The following SPATA21 variants were observed in gnomAD, a reference collection of about 807,000 sequenced individuals.
SPATA21 encodes the protein spermatogenesis-associated protein 21.
A neutral mutation model predicts 54.8 loss-of-function variants in SPATA21; 47 were observed. The ratio of observed to expected loss-of-function variants is 0.86; its 90% CI spans 0.68 to 1.09. The LOEUF is 1.09. SPATA21 is among the 50% of genes least tolerant of loss of function. The probability of loss-of-function intolerance (pLI) is 0.00; values close to 1 mark genes in which losing one functional copy is unlikely to be tolerated. For synonymous variants in SPATA21, 245 were observed against 235.3 expected (o/e 1.04, Z -0.38); for missense variants, 599 against 596.4 (o/e 1.00, Z -0.05).
chr1:16,403,596 C>A, intron 10 of SPATA21, 131 bp downstream of exon 10: 1 of 761,370 alleles, frequency 1.3e-6, no homozygotes, highest in Non-Finnish European at 2.2e-6. Flanking sequence ...TCAAGCGATT[C>A]TCGTGCCTCA....
chr1:16,424,919 T>A (rs2086280504), intron 3 of SPATA21: 1 of 276,094 alleles, frequency 3.6e-6, no homozygotes, highest in African/African-American at 2.3e-5. Context: ...TTATTTTTAT[T>A]TTATTTTTAT....
intron 11 of SPATA21, 140 bp downstream of exon 11, chr1:16,400,580 T>C (rs2085413213): frequency 6.7e-7 from 1 of 1,484,254 alleles, no homozygotes; most frequent in Admixed American, 2.3e-5. Flanking sequence ...TTTTCTGATG[T>C]ACACAGTTAA....
chr1:16,414,151 C>T (rs555425976), intron 5 of SPATA21, among the ~76,000 whole-genome samples: 35 of 152,058 alleles, frequency 2.3e-4, no homozygotes, highest in African/African-American at 6.3e-4. Context: ...CTGCAACCTC[C>T]GCCTCCCGGG....
chr1:16,428,203 C>G lies in SPATA21; in HGVS notation c.34+3135G>C, dbSNP rs933656881. On this transcript the variant is annotated intron_variant, in intron 3 of 12. Coordinates refer to ENST00000335496, the MANE Select transcript of SPATA21 (RefSeq NM_198546.1). This position sits in a 1 kb window ranked among gnomAD's most constrained non-coding sequence, Gnocchi z 4.3. ...GGCAGGGATGCAGGGCCCGGCCCTG[C>G]TGTTGCTGTTGCTTAGCACGTAAGG... is the stretch of plus-strand genomic sequence containing the variant. Among the ~76,000 whole-genome samples, 76 of 152,240 alleles carry G rather than the reference C, an allele frequency of 5.0e-4. No individual in the cohort carries two copies. The highest frequency in any genetic ancestry group is 1.7e-3 in the African/African-American group (71 of 41,562).
Position 16,428,459 on chromosome 1 carries a change from G to A in SPATA21, c.34+2879C>T, listed in dbSNP as rs962228708. On this transcript the variant is annotated intron_variant, in intron 3 of 12. Transcript: ENST00000335496. The surrounding 1 kb of genome is among the most constrained non-coding windows in gnomAD (Gnocchi z 4.3). Reference sequence around the variant, plus strand: ...GGCTGGAGTGCAGTGGCACAGTCTCGGCTCACTGCAACTTCCACCTGCTGG... The same window carrying A: ...GGCTGGAGTGCAGTGGCACAGTCTCAGCTCACTGCAACTTCCACCTGCTGG... 5.9e-5 allele frequency among the ~76,000 whole-genome samples: 9 copies of A among 152,036 alleles called. No individual in the cohort carries two copies. The highest frequency in any genetic ancestry group is 4.1e-4 in the South Asian group (2 of 4,828).
intron 1 of SPATA21, among the ~76,000 whole-genome samples, chr1:16,433,664 G>C (rs1316314139): frequency 6.6e-6 from 1 of 152,176 alleles, no homozygotes; most frequent in African/African-American, 2.4e-5. Flanking sequence ...AAGCCCCAGA[G>C]GGGCTCCAGC....
At position 16,409,186 on chromosome 1, in the gene SPATA21, TG is replaced by T; in HGVS notation, c.604del (p.Gln202ArgfsTer17). On this transcript the variant is annotated frameshift_variant, in exon 7 of 13. Transcript: ENST00000335496. LOFTEE classifies it high-confidence loss of function. The surrounding 1 kb of genome is among the most constrained non-coding windows in gnomAD (Gnocchi z 4.1). ...YAKARQEPEE[Q>X]SLQKLYQNRE... ...GTTTTGATAAAGCTTTTGGAGGCTC[TG>T]CTCTTCCGGCTCCTGCCTGCAGAGG... The T allele has an allele frequency of 6.2e-7, 1 of 1,614,148 alleles. No individual in the cohort carries two copies. Among genetic ancestry groups the T allele is most frequent in the Non-Finnish European group, 8.5e-7 (1 of 1,180,008 alleles).
At position 16,420,367 on chromosome 1, in the gene SPATA21, C is replaced by T. The variant is rs145968996; in HGVS notation, c.144+1142G>A. On this transcript the variant is annotated intron_variant, in intron 5 of 12. Coordinates refer to ENST00000335496, the MANE Select transcript of SPATA21 (RefSeq NM_198546.1). ...GGCTGCAAAGGGGAGCAAGGAAAGA[C>T]GGCTTTTGACGCCAGGTATGTTTGT... Among the ~76,000 whole-genome samples the T allele has an allele frequency of 7.8e-3, 1,187 of 151,916 alleles. 6 individuals are homozygous for T. Among genetic ancestry groups the T allele is most frequent in the Non-Finnish European group, 0.013 (904 of 67,960 alleles).
At chr1:16,422,691 A>G (rs577041145) in intron 3 of SPATA21, among the ~76,000 whole-genome samples, 3 of 152,076 alleles carry the variant, frequency 2.0e-5, no homozygotes, top group South Asian at 2.1e-4. Context: ...AATTTTTGGT[A>G]GAGATGAGGT....
At chr1:16,419,765 C>T (rs966801782) in intron 5 of SPATA21, among the ~76,000 whole-genome samples, 1 of 152,046 alleles carries the variant, frequency 6.6e-6, no homozygotes, top group Non-Finnish European at 1.5e-5. Flanking sequence ...TATGGTGAAA[C>T]CCCATCTTTA....
Position 16,421,427 on chromosome 1 carries a change from G to T in SPATA21, c.144+82C>A, listed in dbSNP as rs911799429. The T allele has an allele frequency of 3.7e-6, 5 of 1,367,440 alleles. No individual in the cohort carries two copies. Among genetic ancestry groups the T allele is most frequent in the East Asian group, 5.0e-5 (2 of 39,978 alleles). The allele number at this position is 1,367,440 out of a possible 1,614,324, so 84.7% of individuals were successfully genotyped here. ...AATAGGGGTTTGACGTGCCACATCC[G>T]CTTCTGCCCTCTTCCTCCTCCTGAT... On this transcript the variant is annotated intron_variant, in intron 5 of 12. Coordinates refer to ENST00000335496, the MANE Select transcript of SPATA21 (RefSeq NM_198546.1). The surrounding 1 kb of genome is among the most constrained non-coding windows in gnomAD (Gnocchi z 5.2).
intron 7 of SPATA21, among the ~76,000 whole-genome samples, chr1:16,405,493 G>GAAAAAAAAAAAA (rs538611012): frequency 1.2e-5 from 1 of 81,326 alleles, no homozygotes; most frequent in Non-Finnish European, 2.2e-5. Context: ...AAATAAAAAT[G>GAAAAAAAAAAAA]AAAAAAAAAA....
chr1:16,421,346 C>T lies in SPATA21; in HGVS notation c.144+163G>A, dbSNP rs2086165223. The stretch of plus-strand genomic sequence containing the variant: ...GCACAGGCACACACACACACGTGTG[C>T]ACATCCATGTGCACTTTAACACACA... On this transcript the variant is annotated intron_variant, in intron 5 of 12. Transcript: ENST00000335496. This position sits in a 1 kb window ranked among gnomAD's most constrained non-coding sequence, Gnocchi z 5.2. 6.6e-6 allele frequency among the ~76,000 whole-genome samples: 1 copy of T among 152,044 alleles called. No homozygotes were observed. Among genetic ancestry groups the T allele is most frequent in the Non-Finnish European group, 1.5e-5 (1 of 68,008 alleles).
chr1:16,413,074 G>A (rs913977917), intron 5 of SPATA21, among the ~76,000 whole-genome samples: 8 of 152,228 alleles, frequency 5.3e-5, no homozygotes, highest in Non-Finnish European at 8.8e-5. Context: ...GAGCCACCAC[G>A]CCCGGCCAAC....
intron 3 of SPATA21, among the ~76,000 whole-genome samples, chr1:16,422,798 A>C (rs1570184044): frequency 6.6e-6 from 1 of 152,060 alleles, no homozygotes; most frequent in African/African-American, 2.4e-5. Flanking sequence ...ATCAGTCACC[A>C]TGCTCAGCCT....
chr1:16,405,019 G>A lies in SPATA21; in HGVS notation c.759C>T (p.Phe253=), dbSNP rs779784925. 8 of 1,608,990 alleles carry A rather than the reference G, an allele frequency of 5.0e-6. No individual in the cohort carries two copies. Among genetic ancestry groups the A allele is most frequent in the Non-Finnish European group, 6.8e-6 (8 of 1,178,512 alleles). ...CCTCCACCTGGGCCAGCGTCACAGA[G>A]AAGCCCATTAGGAGCAGGATATTCT... is the stretch of plus-strand genomic sequence containing the variant. ...SLKNILLLMG[F]SVTLAQVEDA... Residue 253 remains phenylalanine, a synonymous_variant, in exon 8 of 13, where the codon TTC becomes TTT. Transcript: ENST00000335496.
chr1:16,437,450 C>T (rs1244500324), upstream of SPATA21: 1 of 152,212 alleles, frequency 6.6e-6, no homozygotes, highest in African/African-American at 2.4e-5. Flanking sequence ...ATGAAGATAA[C>T]AATCGTTGCC....
chr1:16,419,524 G>A (rs1293952922), intron 5 of SPATA21, among the ~76,000 whole-genome samples: 2 of 152,196 alleles, frequency 1.3e-5, no homozygotes, highest in East Asian at 1.9e-4. Context: ...GAGCCCCTTG[G>A]GTGAGAAAGG....
Position 16,414,658 on chromosome 1 carries a change from G to A in SPATA21, c.145-4615C>T, listed in dbSNP as rs557873960. ...GCCTGTAATCCCAGCACTCTGGGAGGCTGAGGCAGGCAGATCACCTGAGGT... is the reference window on the plus strand; with the variant it reads ...GCCTGTAATCCCAGCACTCTGGGAGACTGAGGCAGGCAGATCACCTGAGGT... On this transcript the variant is annotated intron_variant, in intron 5 of 12. Coordinates refer to ENST00000335496, the MANE Select transcript of SPATA21 (RefSeq NM_198546.1). Among the ~76,000 whole-genome samples, 10 of 152,118 alleles carry A rather than the reference G, an allele frequency of 6.6e-5. No individual in the cohort carries two copies. The South Asian group carries it at 2.1e-3, about 32-fold the overall frequency.
Sources: gnomAD v4.1 joint callset for allele counts (sites outside exome capture counted in the v4.1 genomes callset) on GRCh38, gnomAD v4.1.1 for gene constraint, Gnocchi (gnomAD v3.1) non-coding constraint, MANE v1.5 for transcripts, NCBI Gene and HGNC (gene_info 2026-07-23, HGNC 2026-07-21) for gene names.